Variants in FRMPD4 observed in about 807,000 individuals in gnomAD.
FRMPD4 encodes FERM and PDZ domain containing 4, also known as FERM and PDZ domain-containing protein 4.
FRMPD4 carries 22 observed loss-of-function variants against 94.1 expected under a neutral mutation model. The observed-to-expected ratio is 0.23, with a 90% CI of 0.17 to 0.33. FRMPD4 has a LOEUF of 0.33. Ranked by LOEUF, FRMPD4 falls within the 10% of genes least tolerant of loss-of-function variation. FRMPD4 has a pLI of 1.00. For missense variants in FRMPD4, 1,111 were observed against 1,339.9 expected, an observed-to-expected ratio of 0.83 and a Z score of 2.67; for synonymous variants, 631 against 548.6, an observed-to-expected ratio of 1.15 and a Z score of -2.10.
Position 12,349,362 on chromosome X carries a change from T to A in FRMPD4, c.42-149318T>A, listed in dbSNP as rs112677546. 5.2e-3 allele frequency among the ~76,000 whole-genome samples: 572 copies of A among 110,740 alleles called. 4 individuals carry two copies. The highest frequency in any genetic ancestry group is 0.018 in the African/African-American group (548 of 30,454). Reference sequence around the variant, plus strand: ...GGATAAAGAATCCTATAAGTCCCGATGTGATCAAAAGCAAGTCACCTGGGG... The same window carrying A: ...GGATAAAGAATCCTATAAGTCCCGAAGTGATCAAAAGCAAGTCACCTGGGG... On this transcript the variant is annotated intron_variant, in intron 1 of 16. Coordinates refer to ENST00000675598, the MANE Select transcript of FRMPD4 (RefSeq NM_001368397.1).
chrX:12,519,186 G>A (rs545449344), intron 2 of FRMPD4, among the ~76,000 whole-genome samples: 2 of 112,108 alleles, frequency 1.8e-5, no homozygotes, highest in South Asian at 7.3e-4. Context: ...TCAGTAAGAG[G>A]AAAACATTAT....
intron 3 of FRMPD4, among the ~76,000 whole-genome samples, chrX:11,904,039 G>T (rs759184850): frequency 1.8e-5 from 2 of 111,479 alleles, no homozygotes; most frequent in East Asian, 2.8e-4. Flanking sequence ...TCTCAGCCTC[G>T]CAAAGTGCTG....
intron 1 of FRMPD4, among the ~76,000 whole-genome samples, chrX:11,839,873 T>A (rs989772803): frequency 1.8e-5 from 2 of 111,408 alleles, no homozygotes; most frequent in African/African-American, 6.5e-5. Context: ...AGTGCCTTTG[T>A]TGAATGTAAC....
chrX:12,196,564 A>G (rs1000616244), intron 1 of FRMPD4, among the ~76,000 whole-genome samples: 1 of 109,740 alleles, frequency 9.1e-6, no homozygotes, highest in East Asian at 2.8e-4. Flanking sequence ...AGAGCCAGTT[A>G]AGTGGTGATT....
chrX:12,455,446 A>C (rs1047342560), intron 1 of FRMPD4, among the ~76,000 whole-genome samples: 2 of 112,111 alleles, frequency 1.8e-5, no homozygotes, highest in African/African-American at 6.5e-5. Flanking sequence ...ATTGCCCAGC[A>C]TGTTAAGTCC....
Position 12,015,784 on chromosome X carries a change from C to A in FRMPD4, c.95+137766C>A, listed in dbSNP as rs181954721. 3.6e-5 allele frequency among the ~76,000 whole-genome samples: 4 copies of A among 111,886 alleles called. No individual in the cohort carries two copies. In the South Asian group the frequency reaches 1.5e-3, roughly 42 times the overall value. On this transcript the variant is annotated intron_variant, in intron 3 of 18. Transcript: ENST00000640291. ...ATCCTGTTTCTGTTCCTACTTTGGG[C>A]ACAGTCACAATATTGGAAGAGGAGA...
intron 1 of FRMPD4, among the ~76,000 whole-genome samples, chrX:11,830,824 C>T (rs1288891496): frequency 1.8e-5 from 2 of 110,504 alleles, no homozygotes; most frequent in South Asian, 3.8e-4. Context: ...AGTAATTTGT[C>T]GTTTGAAATT....
rs185976807 is a variant in FRMPD4 at position 12,485,258 on chromosome X, G to C, written c.42-13422G>C. On this transcript the variant is annotated intron_variant, in intron 1 of 16. Coordinates refer to ENST00000675598, the MANE Select transcript of FRMPD4 (RefSeq NM_001368397.1). ...TCTATTTGCAATCTAGTTTATTCTT[G>C]GTTGTTCTCAAATTATTGTGTGTAT... Among the ~76,000 whole-genome samples, 5 of 112,388 alleles carry C rather than the reference G, an allele frequency of 4.4e-5. No individual in the cohort carries two copies. In the East Asian group the frequency reaches 1.1e-3, roughly 25 times the overall value.
At chrX:12,673,355 C>CA (rs1487947868) in intron 4 of FRMPD4, among the ~76,000 whole-genome samples, 1 of 112,129 alleles carries the variant, frequency 8.9e-6, no homozygotes, top group African/African-American at 3.2e-5. Flanking sequence ...ACATATTTGT[C>CA]TCATATCTGT....
chrX:12,482,420 T>C (rs1230582056), intron 1 of FRMPD4, among the ~76,000 whole-genome samples: 2 of 112,016 alleles, frequency 1.8e-5, no homozygotes, highest in East Asian at 5.6e-4. Context: ...CTTAATGTAG[T>C]TCTTGTGTTC....
At chrX:12,606,098 A>C (rs974521802) in intron 2 of FRMPD4, among the ~76,000 whole-genome samples, 3 of 112,353 alleles carry the variant, frequency 2.7e-5, no homozygotes, top group Admixed American at 1.9e-4. Flanking sequence ...AATGCTTAGC[A>C]TGAAATTAAT....
At chrX:12,597,738 C>T (rs141034354) in intron 2 of FRMPD4, among the ~76,000 whole-genome samples, 2,540 of 112,341 alleles carry the variant, frequency 0.023, 76 homozygotes, top group African/African-American at 0.077. Context: ...AACCTGAAGG[C>T]ATTTGCCAAA....
At chrX:12,612,073 C>CAT (rs1243372613) in intron 3 of FRMPD4, among the ~76,000 whole-genome samples, 1 of 111,316 alleles carries the variant, frequency 9.0e-6, no homozygotes, top group Non-Finnish European at 1.9e-5. Flanking sequence ...ATACATAATA[C>CAT]ATATATATAG....
chrX:11,840,185 G>C (rs1278551726), intron 1 of FRMPD4, among the ~76,000 whole-genome samples: 1 of 111,383 alleles, frequency 9.0e-6, no homozygotes, highest in African/African-American at 3.3e-5. Context: ...ACAGTACTGA[G>C]TGTGTCAATT....
At position 12,056,882 on chromosome X, in the gene FRMPD4, GTTTA is replaced by G. The variant is rs200257249; in HGVS notation, c.95+178868_95+178871del. Among the ~76,000 whole-genome samples the G allele has an allele frequency of 3.9e-4, 43 of 111,683 alleles. No individual in the cohort carries two copies. In the East Asian group the frequency reaches 0.011, roughly 30 times the overall value. On this transcript the variant is annotated intron_variant, in intron 3 of 18. Coordinates refer to the FRMPD4 transcript ENST00000640291. ...TTATTATAGCAAATAATGCTGTAAT[GTTTA>G]TTTGTTAGGAATTATGTCTATTCAA...
Position 12,720,523 on chromosome X carries a change from C to G in FRMPD4, c.3965-11C>G. The G allele has an allele frequency of 4.1e-6, 5 of 1,206,127 alleles. No individual in the cohort carries two copies. The highest frequency in any genetic ancestry group is 5.6e-6 in the Non-Finnish European group (5 of 891,521). Reference sequence around the variant, plus strand: ...ATGATTCTCTCTGTTTTTCTACTACCCCTAGTGTAGCTTTGACAGAGCCTG... The same window carrying G: ...ATGATTCTCTCTGTTTTTCTACTACGCCTAGTGTAGCTTTGACAGAGCCTG... On this transcript the variant is annotated splice_polypyrimidine_tract_variant and intron_variant, in intron 16 of 16. Transcript: ENST00000675598.
chrX:11,898,051 G>A (rs935963722), intron 3 of FRMPD4, among the ~76,000 whole-genome samples: 14 of 111,489 alleles, frequency 1.3e-4, no homozygotes, highest in Admixed American at 9.5e-5. Flanking sequence ...AGAACAACCA[G>A]TGAGAAGGCC....
chrX:12,297,758 A>G (rs1457737603), intron 1 of FRMPD4, among the ~76,000 whole-genome samples: 1 of 111,722 alleles, frequency 9.0e-6, no homozygotes, highest in Non-Finnish European at 1.9e-5. Context: ...AAATAGAAAC[A>G]AAGAATGGCT....
intron 3 of FRMPD4, among the ~76,000 whole-genome samples, chrX:12,019,323 C>T (rs2054620402): frequency 9.1e-6 from 1 of 110,348 alleles, no homozygotes; most frequent in Admixed American, 9.6e-5. Flanking sequence ...CTCATTAATT[C>T]ACAGCTAAAC....
Sources: gnomAD v4.1 joint callset for allele counts (sites outside exome capture counted in the v4.1 genomes callset) on GRCh38, gnomAD v4.1.1 for gene constraint, MANE v1.5 for transcripts, NCBI Gene and HGNC (gene_info 2026-07-23, HGNC 2026-07-21) for gene names.